The following CFAP47 variants were observed in gnomAD, a reference collection of about 807,000 sequenced individuals.
CFAP47 encodes cilia and flagella associated protein 47, also known as cilia- and flagella-associated protein 47.
Under a neutral mutation model 148.1 loss-of-function variants are expected in CFAP47, and 29 were observed. The ratio of observed to expected loss-of-function variants is 0.20; its 90% CI spans 0.15 to 0.27. The LOEUF is 0.27. CFAP47 is among the 10% of genes least tolerant of loss of function. The pLI is 1.00. For missense variants in CFAP47, 1,872 were observed against 1,697.5 expected (o/e 1.10, Z -1.81); for synonymous variants, 664 against 577.3 (o/e 1.15, Z -2.15).
chrX:36,132,447 G>T (rs960041257), intron 33 of CFAP47, among the ~76,000 whole-genome samples: 82 of 111,728 alleles, frequency 7.3e-4, no homozygotes, highest in African/African-American at 2.5e-3. Context: ...TGTTGGGTGA[G>T]GCCAGAAATT....
chrX:36,137,971 TGA>T lies in CFAP47; in HGVS notation c.5339_5340del (p.Arg1780MetfsTer6). 1.3e-6 allele frequency: 1 copy of T among 771,286 alleles called. No homozygotes were observed. The highest frequency in any genetic ancestry group is 2.0e-6 in the Non-Finnish European group (1 of 502,512). 63.6% of individuals were successfully genotyped at this position (771,286 alleles called of 1,213,427 possible). A position where few individuals can be genotyped will look rare whatever the true frequency, so the allele number is the denominator to read the frequency against. On this transcript the variant is annotated frameshift_variant, in exon 34 of 64. Coordinates refer to ENST00000378653, the MANE Select transcript of CFAP47 (RefSeq NM_001304548.2). LOFTEE classifies it high-confidence loss of function. ...TTTTTGAAACAGATGTTATCCCTTCTGAGAGATGGATAGTAAATTTTGACAAA... is the reference window on the plus strand; with the variant it reads ...TTTTTGAAACAGATGTTATCCCTTCTGAGATGGATAGTAAATTTTGACAAA... Reference protein sequence around the residue: ...KNCHKDVIPSERWIVNFDKDL... With the variant: ...KNCHKDVIPSXRWIVNFDKDL...
intron 57 of CFAP47, among the ~76,000 whole-genome samples, chrX:36,326,804 G>A (rs1941521259): frequency 9.0e-6 from 1 of 111,257 alleles, no homozygotes; most frequent in South Asian, 3.7e-4. Context: ...ATTTAAAAGG[G>A]AAGCATAGCA....
chrX:36,286,802 T>G (rs954948269), intron 51 of CFAP47, among the ~76,000 whole-genome samples: 24 of 111,645 alleles, frequency 2.1e-4, no homozygotes, highest in Non-Finnish European at 2.5e-4. Context: ...TTGGCTTTCT[T>G]ATTAACTATA....
rs778128028 is a variant in CFAP47 at position 35,996,533 on chromosome X, C to T, written c.3100-779C>T. 2.2e-4 allele frequency among the ~76,000 whole-genome samples: 24 copies of T among 111,333 alleles called. No homozygotes were observed. In the South Asian group the frequency reaches 4.1e-3, roughly 19 times the overall value. On this transcript the variant is annotated intron_variant, in intron 18 of 63. Coordinates refer to ENST00000378653, the MANE Select transcript of CFAP47 (RefSeq NM_001304548.2). ...ATTTAAATCTAGACCTTGACTCTTT[C>T]CTGTGCTTATACAGACAGGGTTTCC... is the stretch of plus-strand genomic sequence containing the variant.
chrX:36,006,124 A>T (rs1451053503), intron 21 of CFAP47, among the ~76,000 whole-genome samples: 1 of 111,174 alleles, frequency 9.0e-6, no homozygotes, highest in Non-Finnish European at 1.9e-5. Context: ...CAATTTAAGT[A>T]TCTTACATGA....
At chrX:36,323,244 A>G (rs59298432) in intron 57 of CFAP47, among the ~76,000 whole-genome samples, 5,583 of 110,835 alleles carry the variant, frequency 0.05, 386 homozygotes, top group African/African-American at 0.17. Context: ...ACAAAAATAG[A>G]ATTAAAAACA....
At chrX:36,019,572 C>G (rs2146708864) in intron 22 of CFAP47, among the ~76,000 whole-genome samples, 1 of 111,841 alleles carries the variant, frequency 8.9e-6, no homozygotes, top group South Asian at 3.7e-4. Context: ...AACTCTCAGG[C>G]CTTCCAAGAG....
At chrX:36,215,476 A>G (rs1168620843) in intron 45 of CFAP47, among the ~76,000 whole-genome samples, 1 of 109,411 alleles carries the variant, frequency 9.1e-6, no homozygotes, top group Non-Finnish European at 1.9e-5. Flanking sequence ...GGTTGGCTCT[A>G]TTGCTTCTGA....
Position 35,926,939 on chromosome X carries a change from G to A in CFAP47, c.401+771G>A, listed in dbSNP as rs139659743. Among the ~76,000 whole-genome samples, 453 of 109,729 alleles carry A rather than the reference G, an allele frequency of 4.1e-3. 6 individuals carry two copies. The highest frequency in any genetic ancestry group is 0.031 in the Admixed American group (313 of 10,128). On this transcript the variant is annotated intron_variant, in intron 2 of 63. Transcript: ENST00000378653. The stretch of plus-strand genomic sequence containing the variant: ...GCGGGTGGATCACTTGAGCTCAGGA[G>A]TTGGAGACCAGCCTGGGCAACATGG...
At chrX:35,982,646 G>T (rs1357708834) in intron 15 of CFAP47, among the ~76,000 whole-genome samples, 1 of 111,398 alleles carries the variant, frequency 9.0e-6, no homozygotes, top group East Asian at 2.8e-4. Context: ...GTTGTGTAAG[G>T]AAAGGGTCTA....
At position 35,960,380 on chromosome X, in the gene CFAP47, G is replaced by GAAAAAAAAA. The variant is rs1188987905; in HGVS notation, c.1410+4203_1410+4211dup. On this transcript the variant is annotated intron_variant, in intron 8 of 63. Transcript: ENST00000378653. ...CTTTAACATTAGCTTGCTAATTTCT[G>GAAAAAAAAA]AAAAAAAAAAAAAAAAAAAAAAAAA... Among the ~76,000 whole-genome samples, 134 of 15,480 alleles carry GAAAAAAAAA rather than the reference G, an allele frequency of 8.7e-3. 31 individuals are homozygous for GAAAAAAAAA. Among genetic ancestry groups the GAAAAAAAAA allele is most frequent in the African/African-American group, 0.03 (115 of 3,810 alleles). The allele number at this position is 15,480 out of a possible 115,157, so 13.4% of individuals were successfully genotyped here. A position where few individuals can be genotyped will look rare whatever the true frequency, so the allele number is the denominator to read the frequency against.
chrX:35,937,998 A>G, intron 2 of CFAP47, among the ~76,000 whole-genome samples: 1 of 111,930 alleles, frequency 8.9e-6, no homozygotes, highest in East Asian at 2.8e-4. Flanking sequence ...GTCTCCCAAA[A>G]CTATGACCTT....
At chrX:36,068,119 T>G (rs1361026727) in intron 27 of CFAP47, among the ~76,000 whole-genome samples, 1 of 112,192 alleles carries the variant, frequency 8.9e-6, no homozygotes, top group Non-Finnish European at 1.9e-5. Flanking sequence ...GCCACATTAA[T>G]CTTCTGCAAG....
At chrX:36,234,016 T>G (rs1555993395) in intron 46 of CFAP47, among the ~76,000 whole-genome samples, 2 of 111,004 alleles carry the variant, frequency 1.8e-5, no homozygotes, top group Admixed American at 1.9e-4. Flanking sequence ...CCTTTGTGGG[T>G]AACCGACCTT....
At chrX:36,213,572 A>G (rs1278021696) in intron 45 of CFAP47, among the ~76,000 whole-genome samples, 1 of 111,911 alleles carries the variant, frequency 8.9e-6, no homozygotes, top group Non-Finnish European at 1.9e-5. Context: ...CCATGGTCCA[A>G]CATCTCCATT....
At chrX:36,171,531 C>A (rs971631815) in intron 39 of CFAP47, among the ~76,000 whole-genome samples, 5 of 107,464 alleles carry the variant, frequency 4.7e-5, no homozygotes, top group Non-Finnish European at 9.6e-5. Context: ...GCCAGTTTTC[C>A]CAGCACCATT....
At chrX:36,009,672 T>C (rs969854888) in intron 21 of CFAP47, among the ~76,000 whole-genome samples, 1 of 112,151 alleles carries the variant, frequency 8.9e-6, no homozygotes, top group Non-Finnish European at 1.9e-5. Context: ...TACATAAGAT[T>C]CTATGACAGA....
intron 4 of CFAP47, among the ~76,000 whole-genome samples, chrX:35,949,525 CTGAT>C (rs1465086506): frequency 9.0e-6 from 1 of 111,500 alleles, no homozygotes; most frequent in Non-Finnish European, 1.9e-5. Flanking sequence ...GATTTGGTGA[CTGAT>C]TGTAGCAAAG....
intron 62 of CFAP47, among the ~76,000 whole-genome samples, chrX:36,378,896 C>A (rs1341810518): frequency 9.0e-6 from 1 of 111,153 alleles, no homozygotes; most frequent in East Asian, 2.8e-4. Flanking sequence ...ACTGCAACCT[C>A]TACCTCCCAG....
Sources: gnomAD v4.1 joint callset for allele counts (sites outside exome capture counted in the v4.1 genomes callset) on GRCh38, gnomAD v4.1.1 for gene constraint, MANE v1.5 for transcripts, NCBI Gene and HGNC (gene_info 2026-07-23, HGNC 2026-07-21) for gene names.